The following TMEM132C variants were observed in gnomAD, a reference collection of about 807,000 sequenced individuals.
TMEM132C encodes the protein transmembrane protein 132C, also known as protein phosphatase 1, regulatory subunit 152.
A neutral mutation model predicts 61.4 loss-of-function variants in TMEM132C; 29 were observed. The ratio of observed to expected loss-of-function variants is 0.47; its 90% CI spans 0.35 to 0.64. The LOEUF is 0.64. Among genes scored for constraint, TMEM132C ranks in the 30% least tolerant of loss-of-function variants. The pLI is 0.00. For synonymous variants in TMEM132C, 656 were observed against 633.1 expected, an observed-to-expected ratio of 1.04 and a Z score of -0.54; for missense variants, 1,408 against 1,476.9, an observed-to-expected ratio of 0.95 and a Z score of 0.76.
intron 5 of TMEM132C, 98 bp downstream of exon 5, chr12:128,669,658 C>A: frequency 1.4e-6 from 2 of 1,424,876 alleles, no homozygotes; most frequent in Non-Finnish European, 9.5e-7. Flanking sequence ...TGACGTTCAA[C>A]TATACAGAGG....
chr12:128,301,989 A>C (rs1430826462), intron 1 of TMEM132C, among the ~76,000 whole-genome samples: 2 of 152,192 alleles, frequency 1.3e-5, no homozygotes, highest in Non-Finnish European at 2.9e-5. Flanking sequence ...TACTACCACG[A>C]GAACTGTATG....
rs1454560867 is a variant in TMEM132C, at chr12:128,665,302, CACAA to C, written c.1306-4111_1306-4108del. On this transcript the variant is annotated intron_variant, in intron 4 of 8. Coordinates refer to ENST00000435159, the MANE Select transcript of TMEM132C (RefSeq NM_001136103.3). Reference sequence around the variant, plus strand: ...ACGCACACACAGGCACTCACACATACACAAACAGGCACACACACACAAATAGGCA... The same window carrying C: ...ACGCACACACAGGCACTCACACATACACAGGCACACACACACAAATAGGCA... 2.2e-5 allele frequency among the ~76,000 whole-genome samples: 3 copies of C among 136,078 alleles called. No homozygotes were observed. In the East Asian group the frequency reaches 5.9e-4, roughly 27 times the overall value. 89.3% of individuals were successfully genotyped at this position (136,078 alleles called of 152,430 possible).
At chr12:128,559,143 A>G (rs1399968061) in intron 3 of TMEM132C, among the ~76,000 whole-genome samples, 1 of 151,336 alleles carries the variant, frequency 6.6e-6, no homozygotes, top group Non-Finnish European at 1.5e-5. Flanking sequence ...ACACAGACAC[A>G]CACACAAACA....
chr12:128,461,697 A>C (rs1265061527), intron 2 of TMEM132C, among the ~76,000 whole-genome samples: 6 of 152,082 alleles, frequency 3.9e-5, no homozygotes, highest in Non-Finnish European at 7.4e-5. Flanking sequence ...GCCTGTGCCC[A>C]CCCAGGGAAA....
rs139442105 is a variant in TMEM132C, at chr12:128,458,787, A to G, written c.974+43167A>G. ...ACTGAATGTGGAGTCTGGAAGGGAT[A>G]CTCACAGTACAGGCTGGGCTTTGCT... On this transcript the variant is annotated intron_variant, in intron 2 of 8. Transcript: ENST00000435159. 8.7e-4 allele frequency among the ~76,000 whole-genome samples: 132 copies of G among 152,282 alleles called. 1 individual carries two copies. Among genetic ancestry groups the G allele is most frequent in the African/African-American group, 2.9e-3 (119 of 41,572 alleles).
chr12:128,551,438 G>A (rs940446749), intron 3 of TMEM132C, among the ~76,000 whole-genome samples: 2 of 152,146 alleles, frequency 1.3e-5, no homozygotes, highest in Non-Finnish European at 2.9e-5. Context: ...AGACCGCGTG[G>A]CATTTGGTTT....
chr12:128,628,311 G>C lies in TMEM132C; in HGVS notation c.1305+11976G>C, dbSNP rs1020075113. Among the ~76,000 whole-genome samples the C allele has an allele frequency of 3.6e-4, 55 of 152,248 alleles. 1 individual carries two copies. Among genetic ancestry groups the C allele is most frequent in the African/African-American group, 1.3e-3 (53 of 41,552 alleles). On this transcript the variant is annotated intron_variant, in intron 4 of 8. Coordinates refer to ENST00000435159, the MANE Select transcript of TMEM132C (RefSeq NM_001136103.3). The stretch of plus-strand genomic sequence containing the variant: ...AAAGTGCAATGTCTGGTCCACGGCG[G>C]CACGCTGAGATCTAACCTCCTTTCC...
At chr12:128,608,065 T>C (rs1320961619) in intron 3 of TMEM132C, among the ~76,000 whole-genome samples, 3 of 152,216 alleles carry the variant, frequency 2.0e-5, no homozygotes, top group African/African-American at 7.2e-5. Context: ...TAAAGTCTCA[T>C]CACTCACCTG....
intron 5 of TMEM132C, among the ~76,000 whole-genome samples, chr12:128,670,137 C>G (rs1260420311): frequency 2.0e-5 from 3 of 152,050 alleles, no homozygotes; most frequent in Non-Finnish European, 4.4e-5. Context: ...TGGTGAAACC[C>G]CATCTCTACT....
rs58748919 is a variant in TMEM132C at position 128,358,493 on chromosome 12, TTGTGTGTG to T, written c.86-56213_86-56206del. On this transcript the variant is annotated intron_variant, in intron 1 of 8. Transcript: ENST00000435159. ...GAAGATGCCATGACCACTTTTAAAA[TTGTGTGTG>T]TGTGTGTGTGTGTGTGTGTGTGTGT... 1.0e-4 allele frequency among the ~76,000 whole-genome samples: 15 copies of T among 145,010 alleles called. No homozygotes were observed. The East Asian group carries it at 2.1e-3, about 20-fold the overall frequency.
rs554274148 is a variant in TMEM132C at position 128,378,018 on chromosome 12, C to T, written c.86-36714C>T. Among the ~76,000 whole-genome samples the T allele has an allele frequency of 4.6e-5, 7 of 152,236 alleles. No homozygotes were observed. The East Asian group carries it at 7.7e-4, about 17-fold the overall frequency. Reference sequence around the variant, plus strand: ...CTGCTACGTGACAATGCCTGGAGCACGGAGCCAGGAACCCAAGCTGCCTCA... The same window carrying T: ...CTGCTACGTGACAATGCCTGGAGCATGGAGCCAGGAACCCAAGCTGCCTCA... On this transcript the variant is annotated intron_variant, in intron 1 of 8. Coordinates refer to ENST00000435159, the MANE Select transcript of TMEM132C (RefSeq NM_001136103.3).
chr12:128,622,401 A>ATATATATATATATAT (rs1565994613), intron 4 of TMEM132C, among the ~76,000 whole-genome samples: 3 of 131,696 alleles, frequency 2.3e-5, no homozygotes, highest in Admixed American at 7.9e-5. Flanking sequence ...ATATATATAT[A>ATATATATATATATAT]ACCAGGAAAC....
intron 2 of TMEM132C, among the ~76,000 whole-genome samples, chr12:128,473,431 C>G (rs1274843233): frequency 1.3e-5 from 2 of 150,502 alleles, no homozygotes; most frequent in African/African-American, 4.9e-5. Context: ...CATCTTTGCT[C>G]CAGCCTCTAT....
intron 3 of TMEM132C, among the ~76,000 whole-genome samples, chr12:128,611,889 G>A (rs1014863259): frequency 7.9e-5 from 12 of 152,160 alleles, no homozygotes; most frequent in East Asian, 3.8e-4. Context: ...TGAACAGAGC[G>A]GAACCAGCGA....
At chr12:128,552,421 A>G (rs1475599939) in intron 3 of TMEM132C, among the ~76,000 whole-genome samples, 1 of 152,232 alleles carries the variant, frequency 6.6e-6, no homozygotes, top group Non-Finnish European at 1.5e-5. Context: ...CGGTCTCATG[A>G]ACTGAGGTAT....
intron 3 of TMEM132C, 64 bp downstream of exon 3, chr12:128,544,167 G>C (rs12812251): frequency 0.49 from 716,492 of 1,448,212 alleles, 181,989 homozygotes; most frequent in Non-Finnish European, 0.52. Context: ...CGGCTGGTGC[G>C]TAAGAGCCTT....
intron 1 of TMEM132C, among the ~76,000 whole-genome samples, chr12:128,364,447 A>G (rs1873802967): frequency 6.6e-6 from 1 of 152,086 alleles, no homozygotes; most frequent in African/African-American, 2.4e-5. Context: ...CACAGGGCAC[A>G]TGGATGGGCC....
chr12:128,313,742 G>C (rs1036820665), intron 1 of TMEM132C, among the ~76,000 whole-genome samples: 7 of 152,198 alleles, frequency 4.6e-5, no homozygotes, highest in Non-Finnish European at 8.8e-5. Flanking sequence ...ACGAGAGAGA[G>C]CTGGCACTGG....
chr12:128,546,749 A>G (rs904854834), intron 3 of TMEM132C, among the ~76,000 whole-genome samples: 1 of 152,232 alleles, frequency 6.6e-6, no homozygotes, highest in African/African-American at 2.4e-5. Flanking sequence ...ACTTTCACTT[A>G]TAAGGGCCAT....
Sources: gnomAD v4.1 joint callset for allele counts (sites outside exome capture counted in the v4.1 genomes callset) on GRCh38, gnomAD v4.1.1 for gene constraint, MANE v1.5 for transcripts, NCBI Gene and HGNC (gene_info 2026-07-23, HGNC 2026-07-21) for gene names.